Variants in MAGI3 observed in about 807,000 individuals in gnomAD.
The protein encoded by MAGI3 is membrane-associated guanylate kinase, WW and PDZ domain-containing protein 3.
In MAGI3, 43 loss-of-function variants were observed where a neutral mutation model predicts 121.8. That is an observed-to-expected ratio of 0.35 (90% confidence interval 0.28 to 0.46). The LOEUF (loss-of-function observed/expected upper bound fraction) is 0.46. Among genes scored for constraint, MAGI3 ranks in the 20% least tolerant of loss-of-function variants. MAGI3 has a pLI of 1.00. For missense variants in MAGI3, 1,547 were observed against 1,797.3 expected (o/e 0.86, Z 2.52); for synonymous variants, 553 against 639.3 (o/e 0.86, Z 2.04).
intron 6 of MAGI3, among the ~76,000 whole-genome samples, chr1:113,610,602 C>T (rs1040745426): frequency 2.0e-5 from 3 of 152,168 alleles, no homozygotes; most frequent in Non-Finnish European, 4.4e-5. Context: ...CCCCCAGCTG[C>T]TTGAGCCAAA....
intron 1 of MAGI3, among the ~76,000 whole-genome samples, chr1:113,476,038 A>C (rs1655801361): frequency 6.6e-6 from 1 of 152,040 alleles, no homozygotes; most frequent in African/African-American, 2.4e-5. Context: ...GTATTCTCTG[A>C]TGGTAGTTTG....
At chr1:113,437,933 TTCTCCTTCTCCTTCTCC>T in intron 1 of MAGI3, among the ~76,000 whole-genome samples, 1 of 140,040 alleles carries the variant, frequency 7.1e-6, no homozygotes, top group South Asian at 2.4e-4. Context: ...CTCCTTCTCC[TTCTCCTTCTCCTTCTCC>T]TTCTTCTTTT....
intron 15 of MAGI3, among the ~76,000 whole-genome samples, chr1:113,657,411 CCCTTTAGG>C (rs1653535258): frequency 6.6e-6 from 1 of 152,184 alleles, no homozygotes; most frequent in African/African-American, 2.4e-5. Context: ...AGACAACCAG[CCCTTTAGG>C]AAGTTGTATA....
At chr1:113,653,687 C>G in intron 14 of MAGI3, 143 bp from the exon 15 acceptor site, 1 of 609,662 alleles carries the variant, frequency 1.6e-6, no homozygotes, top group Non-Finnish European at 2.6e-6. Context: ...AGATTATACC[C>G]GAAGCTCACA....
At chr1:113,536,148 T>G (rs1368150092) in intron 1 of MAGI3, among the ~76,000 whole-genome samples, 1 of 77,438 alleles carries the variant, frequency 1.3e-5, no homozygotes, top group Non-Finnish European at 3.1e-5. Flanking sequence ...ACATGTGTTT[T>G]TTTTTTTTTT....
chr1:113,482,495 C>A (rs1013857202), intron 1 of MAGI3, among the ~76,000 whole-genome samples: 4 of 151,912 alleles, frequency 2.6e-5, no homozygotes, highest in African/African-American at 7.3e-5. Flanking sequence ...CATCACCACA[C>A]CTGGCTAATT....
At chr1:113,449,618 T>A in intron 1 of MAGI3, 1 of 663,976 alleles carries the variant, frequency 1.5e-6, no homozygotes, top group South Asian at 1.7e-5. Context: ...GAGTTTATTA[T>A]CAACATTCAG....
In MAGI3 at chr1:113,683,888, G is replaced by A. The variant is rs575327853; in HGVS notation, c.4320G>A (p.Glu1440=). Residue 1440 remains glutamate (E), a synonymous_variant, in exon 21 of 21, where the codon GAG becomes GAA. Coordinates refer to ENST00000307546, the MANE Select transcript of MAGI3 (RefSeq NM_001142782.2). ...TAGAGGCAGCTGACAAAAACAAAGA[G>A]ACTGGAAGGTTCAAACCGGAAAGCA... ...KELEAADKNK[E]TGRFKPESSS... The A allele has an allele frequency of 6.2e-7, 1 of 1,612,550 alleles. No individual in the cohort carries two copies. Among genetic ancestry groups the A allele is most frequent in the Non-Finnish European group, 8.5e-7 (1 of 1,179,328 alleles).
At chr1:113,663,193 C>A in intron 16 of MAGI3, among the ~76,000 whole-genome samples, 1 of 150,896 alleles carries the variant, frequency 6.6e-6, no homozygotes, top group East Asian at 1.9e-4. Context: ...CCATTGCACT[C>A]CAGCCTGGGC....
intron 1 of MAGI3, among the ~76,000 whole-genome samples, chr1:113,466,733 TTTC>T (rs1425554320): frequency 4.6e-5 from 7 of 152,142 alleles, no homozygotes. Context: ...AATTTACTCA[TTTC>T]TTGTAGGTTT....
rs1438370046 is a variant in MAGI3, at chr1:113,685,461, A to ACT, written c.*1450_*1451dup. ...TTCCCTCTGGGAGTCTGACTGTGAA[A>ACT]CTCTTTAACCCAACAACTCAATTAG... On this transcript the variant is annotated 3_prime_UTR_variant, in exon 21 of 21. Transcript: ENST00000307546. The ACT allele has an allele frequency of 6.6e-6, 1 of 152,130 alleles. No individual in the cohort carries two copies. Among genetic ancestry groups the ACT allele is most frequent in the East Asian group, 1.9e-4 (1 of 5,322 alleles). The allele number at this position is 152,130 out of a possible 1,614,324, so 9.4% of individuals were successfully genotyped here. A position where few individuals can be genotyped will look rare whatever the true frequency, so the allele number is the denominator to read the frequency against.
In MAGI3 at chr1:113,469,431, T is replaced by C. The variant is rs947726320; in HGVS notation, c.316+78082T>C. 2.6e-5 allele frequency among the ~76,000 whole-genome samples: 4 copies of C among 152,334 alleles called. No homozygotes were observed. The East Asian group carries it at 7.7e-4, about 29-fold the overall frequency. On this transcript the variant is annotated intron_variant, in intron 1 of 20. Transcript: ENST00000307546. Reference sequence around the variant, plus strand: ...GGACTTTTTGATGCCTCTTTTGCTTTCCTGGAATGAAGAAAGTTTACTTAG... The same window carrying C: ...GGACTTTTTGATGCCTCTTTTGCTTCCCTGGAATGAAGAAAGTTTACTTAG...
At chr1:113,407,936 G>A (rs1205798567) in intron 1 of MAGI3, among the ~76,000 whole-genome samples, 1 of 152,110 alleles carries the variant, frequency 6.6e-6, no homozygotes, top group African/African-American at 2.4e-5. Flanking sequence ...ACGGCACTTA[G>A]GACTTGTTGG....
chr1:113,666,162 G>A (rs920238270), intron 16 of MAGI3, among the ~76,000 whole-genome samples: 1 of 152,144 alleles, frequency 6.6e-6, no homozygotes, highest in Non-Finnish European at 1.5e-5. Flanking sequence ...TGATTTGGGT[G>A]GTAGTTACTG....
chr1:113,622,763 G>A, intron 8 of MAGI3, 43 bp from the exon 9 acceptor site: 1 of 1,459,982 alleles, frequency 6.8e-7, no homozygotes, highest in Non-Finnish European at 9.2e-7. Context: ...TATATTCATT[G>A]TAATTATTTT....
chr1:113,525,818 A>G (rs940384148), intron 1 of MAGI3, among the ~76,000 whole-genome samples: 2 of 152,132 alleles, frequency 1.3e-5, no homozygotes, highest in African/African-American at 2.4e-5. Flanking sequence ...CCTGGCCAAC[A>G]TGGTGAAACC....
Position 113,391,308 on chromosome 1 carries a change from G to T in MAGI3, c.275G>T (p.Arg92Leu), listed in dbSNP as rs1193797245. Reference sequence around the variant, plus strand: ...AACCGGGACACCCTGGCTGTCATCCGCCACTTCCGCGAGCCCATCCGTCTC... The same window carrying T: ...AACCGGGACACCCTGGCTGTCATCCTCCACTTCCGCGAGCCCATCCGTCTC... ...LTNRDTLAVI[R>L]HFREPIRLKT... The change falls in exon 1 of 21, where the codon CGC becomes CTC. Residue 92 changes from arginine to leucine, a missense_variant. Physicochemically the swap from Arg to Leu is moderately radical, Grantham distance 102. Transcript: ENST00000307546. This position sits in a 1 kb window ranked among gnomAD's most constrained non-coding sequence, Gnocchi z 4.4. The T allele has an allele frequency of 3.8e-6, 6 of 1,597,128 alleles. No individual in the cohort carries two copies. Among genetic ancestry groups the T allele is most frequent in the Non-Finnish European group, 5.1e-6 (6 of 1,172,814 alleles).
In MAGI3 at chr1:113,587,344, T is replaced by A. The variant is rs1454882496; in HGVS notation, c.763+1748T>A. Among the ~76,000 whole-genome samples the A allele has an allele frequency of 2.6e-5, 4 of 152,236 alleles. No homozygotes were observed. The Middle Eastern group carries it at 0.01, about 388-fold the overall frequency. On this transcript the variant is annotated intron_variant, in intron 4 of 20. Transcript: ENST00000307546. ...CTAAGTAGCTAGGATTACAGGCATG[T>A]GCCACCCTGCCCAGATAATTTTTGT...
chr1:113,461,654 A>G (rs920308574), intron 1 of MAGI3, among the ~76,000 whole-genome samples: 11 of 152,214 alleles, frequency 7.2e-5, no homozygotes, highest in African/African-American at 2.7e-4. Flanking sequence ...CATCCTGGAC[A>G]TAGAACCGGC....
Sources: allele counts gnomAD v4.1 joint callset (sites outside exome capture counted in the v4.1 genomes callset), GRCh38; gene constraint gnomAD v4.1.1; non-coding constraint Gnocchi (gnomAD v3.1); transcripts MANE v1.5; gene names NCBI Gene and HGNC (gene_info 2026-07-23, HGNC 2026-07-21).